Variants in HERC6 observed in about 807,000 individuals in gnomAD.
HERC6 encodes HECT and RLD domain containing E3 ubiquitin protein ligase family member 6.
Under a neutral mutation model 114.5 loss-of-function variants are expected in HERC6, and 101 were observed. The observed-to-expected ratio is 0.88, with a 90% CI of 0.75 to 1.04. HERC6 has a LOEUF of 1.04. Among genes scored for constraint, HERC6 ranks in the 50% least tolerant of loss-of-function variants. The pLI, the probability that HERC6 is intolerant of heterozygous loss-of-function variation, is 0.00. For missense variants in HERC6, 1,133 were observed against 1,230.9 expected (o/e 0.92, Z 1.19); for synonymous variants, 408 against 436.2 (o/e 0.94, Z 0.81).
chr4:88,436,866 A>G, intron 18 of HERC6, 39 bp from the exon 19 acceptor site: 1 of 1,394,430 alleles, frequency 7.2e-7, no homozygotes, highest in Admixed American at 1.9e-5. Context: ...ACTTTATAAG[A>G]TCAATAAATA....
At chr4:88,431,329 T>A in intron 17 of HERC6, 24 bp downstream of exon 17, 2 of 1,564,872 alleles carry the variant, frequency 1.3e-6, no homozygotes, top group Middle Eastern at 1.7e-4. Flanking sequence ...TTTTTTTTTT[T>A]CCCCCAGAAC....
chr4:88,387,480 T>A (rs917259200), intron 3 of HERC6, among the ~76,000 whole-genome samples: 1 of 152,254 alleles, frequency 6.6e-6, no homozygotes, highest in African/African-American at 2.4e-5. Context: ...TCAGGGATTT[T>A]AAATTATTTA....
chr4:88,440,121 A>G (rs745406035), intron 21 of HERC6, 27 bp from the exon 22 acceptor site: 18 of 1,603,758 alleles, frequency 1.1e-5, no homozygotes, highest in Non-Finnish European at 1.5e-5. Flanking sequence ...CCCCACTCAA[A>G]TCATTTTTCT....
In HERC6 at chr4:88,440,015, A is replaced by G. The variant is rs1276261920; in HGVS notation, c.2697A>G (p.Ala899=). 6.2e-7 allele frequency: 1 copy of G among 1,611,122 alleles called. No individual in the cohort carries two copies. The highest frequency in any genetic ancestry group is 1.7e-5 in the Admixed American group (1 of 59,312). The change falls in exon 21 of 23, where the codon GCA becomes GCG. Residue 899 remains alanine (A), a synonymous_variant. Transcript: ENST00000264346. ...RHFYPEELMT[A]IIGNTDYDWK... ...TCTACCCTGAAGAACTAATGACAGC[A>G]ATCATTGGAAATACTGATTATGACT...
intron 1 of HERC6, 100 bp downstream of exon 1, chr4:88,379,220 C>T (rs1734032103): frequency 2.0e-6 from 2 of 1,007,858 alleles, no homozygotes; most frequent in Non-Finnish European, 2.8e-6. Context: ...GCGCTGGGAC[C>T]CGGGTGAGGG....
intron 18 of HERC6, among the ~76,000 whole-genome samples, chr4:88,436,120 T>C (rs1351125854): frequency 6.6e-6 from 1 of 152,188 alleles, no homozygotes; most frequent in African/African-American, 2.4e-5. Context: ...AGTTCTGGCC[T>C]GGTCTCTTGA....
intron 12 of HERC6, among the ~76,000 whole-genome samples, chr4:88,414,354 T>G (rs762608569): frequency 1.3e-4 from 20 of 151,844 alleles, no homozygotes; most frequent in Non-Finnish European, 2.6e-4. Context: ...CACACACCTG[T>G]GGTCCCAGCT....
At chr4:88,384,214 G>A (rs940542148) in intron 2 of HERC6, among the ~76,000 whole-genome samples, 5 of 152,000 alleles carry the variant, frequency 3.3e-5, no homozygotes, top group Non-Finnish European at 4.4e-5. Flanking sequence ...CCAAAACCCC[G>A]CCTTTTATTA....
chr4:88,439,387 A>C (rs1265360075), intron 20 of HERC6, among the ~76,000 whole-genome samples: 2 of 151,780 alleles, frequency 1.3e-5, no homozygotes, highest in Non-Finnish European at 2.9e-5. Flanking sequence ...AGAAAGAAGA[A>C]AGAAAGAAAA....
chr4:88,382,061 T>C (rs989307701), intron 1 of HERC6, among the ~76,000 whole-genome samples: 3 of 152,140 alleles, frequency 2.0e-5, no homozygotes, highest in Admixed American at 6.5e-5. Flanking sequence ...AACCCCAAAT[T>C]GTTCTCTAGA....
intron 20 of HERC6, among the ~76,000 whole-genome samples, chr4:88,438,816 G>A (rs966461092): frequency 2.0e-5 from 3 of 152,128 alleles, no homozygotes; most frequent in Admixed American, 6.5e-5. Flanking sequence ...CCTTTTCAGA[G>A]AGCTGGTTGT....
chr4:88,429,203 G>C (rs1737942302), intron 16 of HERC6, among the ~76,000 whole-genome samples: 1 of 152,162 alleles, frequency 6.6e-6, no homozygotes, highest in African/African-American at 2.4e-5. Flanking sequence ...CCTGGGGCGA[G>C]CAAGCATGTT....
chr4:88,442,344 T>G lies in HERC6; in HGVS notation c.2953T>G (p.Cys985Gly). ...AAGAGATCACCCAACATCAATAACTTGTCATAATATTCTCTCCCTCCCTAA... is the reference window on the plus strand; with the variant it reads ...AAGAGATCACCCAACATCAATAACTGGTCATAATATTCTCTCCCTCCCTAA... ...SERDHPTSIT[C>G]HNILSLPKYS... Residue 985 changes from cysteine (C) to glycine (G), a missense_variant, in exon 23 of 23, where the codon TGT (cysteine) becomes GGT (glycine). Around this residue, in one of 3 missense-constraint regions of HERC6, gnomAD observed 388 missense variants for 445.9 expected, o/e 0.87. Transcript: ENST00000264346. The G allele has an allele frequency of 6.2e-7, 1 of 1,613,732 alleles. No homozygotes were observed. Among genetic ancestry groups the G allele is most frequent in the Non-Finnish European group, 8.5e-7 (1 of 1,179,792 alleles).
In HERC6 at chr4:88,380,372, AAT is replaced by A. The variant is rs1170792418; in HGVS notation, c.199+1264_199+1265del. 2.6e-3 allele frequency among the ~76,000 whole-genome samples: 43 copies of A among 16,336 alleles called. 2 individuals carry two copies. Among genetic ancestry groups the A allele is most frequent in the South Asian group, 0.015 (8 of 530 alleles). The allele number at this position is 16,336 out of a possible 152,430, so 10.7% of individuals were successfully genotyped here. On this transcript the variant is annotated intron_variant, in intron 1 of 22. Transcript: ENST00000264346. ...AATATAAATATATATATAATATATA[AAT>A]ATATATATATAATATATAAATATAT...
chr4:88,408,697 C>A, intron 11 of HERC6, 80 bp downstream of exon 11: 1 of 953,334 alleles, frequency 1.0e-6, no homozygotes, highest in Non-Finnish European at 1.6e-6. Context: ...GAGATGGGAA[C>A]TATGATTGTA....
rs750172055 is a variant in HERC6, at chr4:88,431,150, C to A, written c.2107-12C>A. 6.2e-7 allele frequency: 1 copy of A among 1,600,750 alleles called. No individual in the cohort carries two copies. The highest frequency in any genetic ancestry group is 1.3e-5 in the African/African-American group (1 of 74,132). On this transcript the variant is annotated splice_polypyrimidine_tract_variant and intron_variant, in intron 16 of 22. Coordinates refer to ENST00000264346, the MANE Select transcript of HERC6 (RefSeq NM_017912.4). Reference sequence around the variant, plus strand: ...TTAAGTCAGGATCTGGGACTATGTTCTCTTTCCTTAGGTTGAATTTATTAA... The same window carrying A: ...TTAAGTCAGGATCTGGGACTATGTTATCTTTCCTTAGGTTGAATTTATTAA...
At chr4:88,432,876 C>A (rs1175420782) in intron 17 of HERC6, among the ~76,000 whole-genome samples, 1 of 151,988 alleles carries the variant, frequency 6.6e-6, no homozygotes, top group Non-Finnish European at 1.5e-5. Flanking sequence ...ATCACCAGGT[C>A]AGGAAATCGA....
chr4:88,396,304 C>G (rs1304614905), intron 6 of HERC6, among the ~76,000 whole-genome samples, 162 bp downstream of exon 6: 8 of 151,944 alleles, frequency 5.3e-5, no homozygotes, highest in African/African-American at 1.9e-4. Context: ...AATCTTTATT[C>G]TAGATATTTT....
chr4:88,424,534 G>T, intron 14 of HERC6, 61 bp from the exon 15 acceptor site: 3 of 1,253,812 alleles, frequency 2.4e-6, no homozygotes, highest in Non-Finnish European at 3.4e-6. Context: ...TAAGGTAAAG[G>T]AAGTAAGTTT....
Sources: allele counts gnomAD v4.1 joint callset (sites outside exome capture counted in the v4.1 genomes callset), GRCh38; gene constraint gnomAD v4.1.1; regional missense constraint gnomAD v4.1.1; transcripts MANE v1.5; gene names NCBI Gene and HGNC (gene_info 2026-07-23, HGNC 2026-07-21).